The following UGT1A8 variants were observed in gnomAD, a reference collection of about 807,000 sequenced individuals.
The protein encoded by UGT1A8 is UDP glucuronosyltransferase family 1 member A8, also known as UDP-glucuronosyltransferase 1A8.
Under a neutral mutation model 45.3 loss-of-function variants are expected in UGT1A8, and 39 were observed. The ratio of observed to expected loss-of-function variants is 0.86; its 90% CI spans 0.67 to 1.12. The LOEUF is 1.12. Ranked by LOEUF, UGT1A8 falls within the 50% of genes most tolerant of loss-of-function variation. The pLI is 0.00. For synonymous variants in UGT1A8, 275 were observed against 249.2 expected, an observed-to-expected ratio of 1.10 and a Z score of -0.97; for missense variants, 719 against 664.9, an observed-to-expected ratio of 1.08 and a Z score of -0.90.
chr2:233,660,852 C>A (rs1430890231), intron 1 of UGT1A8, among the ~76,000 whole-genome samples: 1 of 152,116 alleles, frequency 6.6e-6, no homozygotes, highest in Non-Finnish European at 1.5e-5. Flanking sequence ...CACCTGCTAC[C>A]TCTTGTTTGG....
chr2:233,672,073 A>G, intron 1 of UGT1A8: 1 of 1,614,100 alleles, frequency 6.2e-7, no homozygotes, highest in Non-Finnish European at 8.5e-7. Context: ...GGTGGTGGAG[A>G]AACTCATTCT....
In UGT1A8 at chr2:233,772,554, C is replaced by T. The variant is rs768200668; in HGVS notation, c.1588C>T (p.His530Tyr). 6.2e-7 allele frequency: 1 copy of T among 1,613,984 alleles called. No homozygotes were observed. The highest frequency in any genetic ancestry group is 1.1e-5 in the South Asian group (1 of 91,072). ...TAAGAAAGCCCACAAATCCAAGACC[C>T]ATTGAGAAGTGGGTGGGAAATAAGG... Reference protein sequence around the residue: ...RVKKAHKSKTH With the variant: ...RVKKAHKSKTY The change falls in exon 5 of 5, where the codon CAT (histidine) becomes TAT (tyrosine). Residue 530 changes from histidine (H) to tyrosine (Y), a missense_variant. Physicochemically the swap from His to Tyr is moderately conservative, Grantham distance 83. Coordinates refer to ENST00000373450, the MANE Select transcript of UGT1A8 (RefSeq NM_019076.5).
intron 1 of UGT1A8, among the ~76,000 whole-genome samples, chr2:233,707,993 G>A (rs993709238): frequency 1.3e-5 from 2 of 152,098 alleles, no homozygotes; most frequent in African/African-American, 2.4e-5. Context: ...TTGTCTACTC[G>A]AATTATGTAT....
intron 1 of UGT1A8, chr2:233,693,273 G>T: frequency 6.2e-7 from 1 of 1,614,074 alleles, no homozygotes; most frequent in Non-Finnish European, 8.5e-7. Context: ...CTGAAGAACC[G>T]TTACCAATCA....
At chr2:233,690,626 G>A in intron 1 of UGT1A8, 4 of 1,288,804 alleles carry the variant, frequency 3.1e-6, no homozygotes, top group Non-Finnish European at 3.0e-6. Flanking sequence ...ACACTCAAGT[G>A]ATACCTGAGG....
chr2:233,636,448 G>C, intron 1 of UGT1A8: 1 of 1,534,816 alleles, frequency 6.5e-7, no homozygotes, highest in Non-Finnish European at 8.8e-7. Flanking sequence ...GTCAGGTTTT[G>C]TGCCTGTACT....
At chr2:233,620,907 G>A (rs2072992395) in intron 1 of UGT1A8, among the ~76,000 whole-genome samples, 1 of 152,200 alleles carries the variant, frequency 6.6e-6, no homozygotes, top group Non-Finnish European at 1.5e-5. Flanking sequence ...CAGAGTGTGA[G>A]TCTCATCTGC....
chr2:233,689,931 G>A (rs762732486), intron 1 of UGT1A8: 1 of 456,630 alleles, frequency 2.2e-6, no homozygotes, highest in South Asian at 1.5e-5. Flanking sequence ...TCCTTCGAAA[G>A]AACCCAAGAT....
intron 1 of UGT1A8, among the ~76,000 whole-genome samples, chr2:233,631,670 CT>C (rs1575387243): frequency 6.6e-6 from 1 of 151,978 alleles, no homozygotes; most frequent in East Asian, 1.9e-4. Context: ...CCTTCGACCG[CT>C]TTTTGATGGG....
chr2:233,718,833 C>T, intron 1 of UGT1A8: 2 of 1,613,592 alleles, frequency 1.2e-6, no homozygotes, highest in Non-Finnish European at 8.5e-7. Context: ...GGCCAGAGGA[C>T]TCCAGGTTCC....
At chr2:233,693,268 G>C in intron 1 of UGT1A8, 1 of 1,614,110 alleles carries the variant, frequency 6.2e-7, no homozygotes, top group Non-Finnish European at 8.5e-7. Flanking sequence ...AAGAGCTGAA[G>C]AACCGTTACC....
intron 1 of UGT1A8, among the ~76,000 whole-genome samples, chr2:233,722,610 G>T (rs1001116668): frequency 5.9e-5 from 9 of 152,028 alleles, no homozygotes; most frequent in Non-Finnish European, 1.3e-4. Context: ...CTTTACATTT[G>T]ATTTTTCTTA....
intron 4 of UGT1A8, among the ~76,000 whole-genome samples, chr2:233,768,933 G>C (rs1699758323): frequency 6.6e-6 from 1 of 151,962 alleles, no homozygotes; most frequent in South Asian, 2.1e-4. Flanking sequence ...TTTATAAAAG[G>C]ATTCTTTAGT....
chr2:233,668,595 G>T (rs2125497489), intron 1 of UGT1A8, among the ~76,000 whole-genome samples: 1 of 152,254 alleles, frequency 6.6e-6, no homozygotes, highest in South Asian at 2.1e-4. Flanking sequence ...TGGGTCAAAT[G>T]GTATTTCTAG....
intron 1 of UGT1A8, chr2:233,729,739 A>G (rs1185017331): frequency 1.9e-6 from 3 of 1,613,856 alleles, no homozygotes; most frequent in East Asian, 4.5e-5. Context: ...TTCAGACCAC[A>G]TGACATTCAT....
chr2:233,701,822 A>G (rs2075654482), intron 1 of UGT1A8, among the ~76,000 whole-genome samples: 1 of 152,190 alleles, frequency 6.6e-6, no homozygotes, highest in Admixed American at 6.5e-5. Context: ...ACATACCAGA[A>G]TCTCTGGGAC....
chr2:233,663,185 T>C (rs1034652548), intron 1 of UGT1A8, among the ~76,000 whole-genome samples: 36 of 152,162 alleles, frequency 2.4e-4, no homozygotes, highest in Admixed American at 2.4e-3. Context: ...GGATTCACCT[T>C]GCCTGCTGCC....
In UGT1A8 at chr2:233,772,247, T is replaced by C. The variant is rs192933567; in HGVS notation, c.1296-15T>C. The C allele has an allele frequency of 3.1e-6, 5 of 1,614,090 alleles. No individual in the cohort carries two copies. In the African/African-American group the frequency reaches 5.3e-5, roughly 17 times the overall value. On this transcript the variant is annotated splice_polypyrimidine_tract_variant and intron_variant, in intron 4 of 4. Transcript: ENST00000373450. ...ACAGGTGTTCCAGGCATAACGAAAC[T>C]GTCTTTGTGTTTAGTTACAAGGAGA...
intron 1 of UGT1A8, among the ~76,000 whole-genome samples, chr2:233,714,456 G>T (rs1216186200): frequency 6.6e-6 from 1 of 152,164 alleles, no homozygotes; most frequent in Non-Finnish European, 1.5e-5. Flanking sequence ...GAGAGGGAGT[G>T]TTGGATTGTA....
Sources: gnomAD v4.1 joint callset for allele counts (sites outside exome capture counted in the v4.1 genomes callset) on GRCh38, gnomAD v4.1.1 for gene constraint, MANE v1.5 for transcripts, NCBI Gene and HGNC (gene_info 2026-07-23, HGNC 2026-07-21) for gene names.